The following PCSK2 variants were observed in gnomAD, a reference collection of about 807,000 sequenced individuals.
PCSK2 encodes neuroendocrine convertase 2.
In PCSK2, 14 loss-of-function variants were observed where a neutral mutation model predicts 69.7. That is an observed-to-expected ratio of 0.20 (90% CI 0.13 to 0.31). The LOEUF is 0.31. Among genes scored for constraint, PCSK2 ranks in the 10% least tolerant of loss-of-function variants. The probability of loss-of-function intolerance (pLI) is 1.00; values close to 1 mark genes in which losing one functional copy is unlikely to be tolerated. For synonymous variants in PCSK2, 307 were observed against 320.7 expected (o/e 0.96, Z 0.46); for missense variants, 544 against 842.5 (o/e 0.65, Z 4.39).
chr20:17,271,440 T>C (rs1987863316), intron 2 of PCSK2, among the ~76,000 whole-genome samples: 2 of 152,128 alleles, frequency 1.3e-5, no homozygotes, highest in South Asian at 4.1e-4. Context: ...AGTTCGATTC[T>C]TTAGCCTAGT....
chr20:17,262,846 A>G (rs1178034359), intron 2 of PCSK2, among the ~76,000 whole-genome samples: 1 of 152,246 alleles, frequency 6.6e-6, no homozygotes, highest in Non-Finnish European at 1.5e-5. Flanking sequence ...GTTATGCTTT[A>G]TAAACACAGA....
At chr20:17,442,030 A>AG (rs2032609178) in intron 8 of PCSK2, among the ~76,000 whole-genome samples, 1 of 151,330 alleles carries the variant, frequency 6.6e-6, no homozygotes, top group African/African-American at 2.4e-5. Context: ...AAAAAAAAAA[A>AG]AAGAACAGGA....
chr20:17,240,445 T>C (rs143941947), intron 1 of PCSK2, among the ~76,000 whole-genome samples: 3 of 152,282 alleles, frequency 2.0e-5, no homozygotes, highest in Non-Finnish European at 2.9e-5. Context: ...CTCATACTTC[T>C]GCCTGCTGTA....
At chr20:17,299,192 G>A (rs930239150) in intron 2 of PCSK2, among the ~76,000 whole-genome samples, 5 of 151,922 alleles carry the variant, frequency 3.3e-5, no homozygotes, top group African/African-American at 4.8e-5. Flanking sequence ...TTTCACATGC[G>A]ATCATTTTAA....
intron 1 of PCSK2, among the ~76,000 whole-genome samples, chr20:17,257,786 A>T (rs2122992006): frequency 6.6e-6 from 1 of 152,282 alleles, no homozygotes; most frequent in South Asian, 2.1e-4. Context: ...CTTCTTAGAT[A>T]TTTCCTGGTT....
chr20:17,227,594 G>T (rs1985977656), intron 1 of PCSK2, 112 bp downstream of exon 1: 2 of 759,708 alleles, frequency 2.6e-6, no homozygotes, highest in Non-Finnish European at 4.4e-6. Context: ...ATGCGATGCA[G>T]ATATTCTGCC....
intron 1 of PCSK2, among the ~76,000 whole-genome samples, chr20:17,252,978 GA>G (rs1987044110): frequency 6.6e-6 from 1 of 152,152 alleles, no homozygotes; most frequent in African/African-American, 2.4e-5. Flanking sequence ...GTGTTACTTA[GA>G]GAATGGGAAA....
chr20:17,297,538 G>T (rs142121608), intron 2 of PCSK2, among the ~76,000 whole-genome samples: 2 of 152,356 alleles, frequency 1.3e-5, no homozygotes, highest in Non-Finnish European at 2.9e-5. Flanking sequence ...ACTTCAGGCT[G>T]CAGGAGGGGC....
chr20:17,387,853 G>A (rs921523254), intron 5 of PCSK2, among the ~76,000 whole-genome samples: 3 of 152,174 alleles, frequency 2.0e-5, no homozygotes, highest in Non-Finnish European at 4.4e-5. Flanking sequence ...AGACTCCAAA[G>A]AAATAACTAC....
In PCSK2 at chr20:17,335,177, A is replaced by T. The variant is rs527521763; in HGVS notation, c.283-23150A>T. On this transcript the variant is annotated intron_variant, in intron 2 of 11. Transcript: ENST00000262545. ...CTTGGGATGCCATATACTTGCAGTC[A>T]GACGGCAGCGGAGATTGGGGGGGTT... Among the ~76,000 whole-genome samples the T allele has an allele frequency of 8.6e-4, 104 of 120,270 alleles. 1 individual carries two copies. Among genetic ancestry groups the T allele is most frequent in the African/African-American group, 2.8e-3 (100 of 36,060 alleles). The allele number at this position is 120,270 out of a possible 152,430, so 78.9% of individuals were successfully genotyped here.
intron 2 of PCSK2, among the ~76,000 whole-genome samples, chr20:17,268,063 A>ATATATATATATATAT (rs1987702272): frequency 2.1e-5 from 3 of 145,464 alleles, no homozygotes; most frequent in Non-Finnish European, 4.5e-5. Flanking sequence ...ATATATATAT[A>ATATATATATATATAT]ATGCATTTAT....
At chr20:17,286,272 A>G (rs1183436702) in intron 2 of PCSK2, among the ~76,000 whole-genome samples, 3 of 152,214 alleles carry the variant, frequency 2.0e-5, no homozygotes, top group African/African-American at 7.2e-5. Flanking sequence ...ATCTGAAATA[A>G]AAACAAGCCA....
intron 11 of PCSK2, among the ~76,000 whole-genome samples, chr20:17,473,460 G>A (rs1170412588): frequency 1.3e-5 from 2 of 152,164 alleles, no homozygotes; most frequent in Non-Finnish European, 2.9e-5. Flanking sequence ...TCATGGCCTG[G>A]AAACTAACAC....
rs946061596 is a variant in PCSK2, at chr20:17,380,045, G to A, written c.543+10768G>A. The stretch of plus-strand genomic sequence containing the variant: ...CAAACAACTGAATGAACTTGAAAGA[G>A]GACCCCAAGCCCTAGATGAGACAGC... On this transcript the variant is annotated intron_variant, in intron 5 of 11. Coordinates refer to ENST00000262545, the MANE Select transcript of PCSK2 (RefSeq NM_002594.5). Among the ~76,000 whole-genome samples the A allele has an allele frequency of 3.9e-5, 6 of 152,168 alleles. No individual in the cohort carries two copies. The East Asian group carries it at 1.2e-3, about 29-fold the overall frequency.
intron 5 of PCSK2, among the ~76,000 whole-genome samples, chr20:17,384,426 A>G (rs1311117287): frequency 4.4e-5 from 2 of 45,662 alleles, no homozygotes; most frequent in African/African-American, 9.5e-5. Context: ...CATATCTACC[A>G]AAAAAAAAAA....
At chr20:17,377,611 G>A (rs2030964672) in intron 5 of PCSK2, among the ~76,000 whole-genome samples, 1 of 152,212 alleles carries the variant, frequency 6.6e-6, no homozygotes, top group Admixed American at 6.5e-5. Flanking sequence ...ATGAAACTGA[G>A]GCTTAAATAA....
At chr20:17,299,709 C>T (rs538840890) in intron 2 of PCSK2, among the ~76,000 whole-genome samples, 2 of 151,938 alleles carry the variant, frequency 1.3e-5, no homozygotes, top group African/African-American at 4.8e-5. Context: ...TTTACCTTTT[C>T]CTTCGCTAAT....
At chr20:17,262,290 A>G (rs1355365030) in intron 2 of PCSK2, among the ~76,000 whole-genome samples, 1 of 152,278 alleles carries the variant, frequency 6.6e-6, no homozygotes, top group African/African-American at 2.4e-5. Context: ...GGTAGTTGTA[A>G]CCATCTGCCT....
chr20:17,291,940 G>C (rs1329185995), intron 2 of PCSK2, among the ~76,000 whole-genome samples: 1 of 152,066 alleles, frequency 6.6e-6, no homozygotes, highest in Non-Finnish European at 1.5e-5. Flanking sequence ...TTCCAGACAA[G>C]AAAATCAAGA....
Sources: allele counts gnomAD v4.1 joint callset (sites outside exome capture counted in the v4.1 genomes callset), GRCh38; gene constraint gnomAD v4.1.1; transcripts MANE v1.5; gene names NCBI Gene and HGNC (gene_info 2026-07-23, HGNC 2026-07-21).